The following ATF7IP variants were observed in gnomAD, a reference collection of about 807,000 sequenced individuals.
ATF7IP encodes activating transcription factor 7-interacting protein 1.
A neutral mutation model predicts 106.4 loss-of-function variants in ATF7IP; 23 were observed. The ratio of observed to expected loss-of-function variants is 0.22; its 90% CI spans 0.16 to 0.31. ATF7IP has a LOEUF of 0.31. Ranked by LOEUF, ATF7IP falls within the 10% of genes least tolerant of loss-of-function variation. The pLI is 1.00. For synonymous variants in ATF7IP, 542 were observed against 539.0 expected (o/e 1.01, Z -0.08); for missense variants, 1,334 against 1,524.3 (o/e 0.88, Z 2.08).
chr12:14,369,967 C>T lies in ATF7IP; in HGVS notation c.-8+4140C>T, dbSNP rs181014739. Among the ~76,000 whole-genome samples, 669 of 144,190 alleles carry T rather than the reference C, an allele frequency of 4.6e-3. 3 individuals carry two copies. Among genetic ancestry groups the T allele is most frequent in the East Asian group, 0.015 (75 of 4,914 alleles). 94.6% of individuals were successfully genotyped at this position (144,190 alleles called of 152,430 possible). A position where few individuals can be genotyped will look rare whatever the true frequency, so the allele number is the denominator to read the frequency against. ...TTTTTTTTTTTTTGAGATGGAGTTTCGCCCTTGTTGCCCAGGCTGGAGTGC... is the reference window on the plus strand; with the variant it reads ...TTTTTTTTTTTTTGAGATGGAGTTTTGCCCTTGTTGCCCAGGCTGGAGTGC... On this transcript the variant is annotated intron_variant, in intron 1 of 14. Transcript: ENST00000261168.
intron 1 of ATF7IP, among the ~76,000 whole-genome samples, chr12:14,398,569 A>T (rs1939994707): frequency 6.6e-6 from 1 of 151,422 alleles, no homozygotes; most frequent in Non-Finnish European, 1.5e-5. Flanking sequence ...GAAAAAAATT[A>T]TATTTTGGGT....
chr12:14,400,634 C>T (rs1156698156), intron 1 of ATF7IP, among the ~76,000 whole-genome samples: 1 of 151,902 alleles, frequency 6.6e-6, no homozygotes, highest in Non-Finnish European at 1.5e-5. Flanking sequence ...CAGTGCAGCA[C>T]TAGGCATCCT....
chr12:14,400,075 G>A (rs1348076518), intron 1 of ATF7IP, among the ~76,000 whole-genome samples: 1 of 152,170 alleles, frequency 6.6e-6, no homozygotes, highest in Non-Finnish European at 1.5e-5. Context: ...GAGAATGTCT[G>A]ATGAACTTAA....
At chr12:14,369,826 T>A (rs1325381846) in intron 1 of ATF7IP, among the ~76,000 whole-genome samples, 1 of 152,222 alleles carries the variant, frequency 6.6e-6, no homozygotes, top group Non-Finnish European at 1.5e-5. Flanking sequence ...ATTGCTTTGG[T>A]AGCAAACAAT....
chr12:14,494,081 C>G (rs1357705245), intron 13 of ATF7IP, among the ~76,000 whole-genome samples: 1 of 151,532 alleles, frequency 6.6e-6, no homozygotes, highest in African/African-American at 2.4e-5. Context: ...ACCCTCTAAA[C>G]AGTTCACACC....
intron 5 of ATF7IP, 88 bp from the exon 6 acceptor site, chr12:14,446,900 G>A (rs1403102805): frequency 3.4e-6 from 3 of 894,940 alleles, no homozygotes; most frequent in Non-Finnish European, 4.7e-6. Context: ...TTTTCTATAG[G>A]TTTCTTTTTA....
intron 1 of ATF7IP, among the ~76,000 whole-genome samples, chr12:14,375,478 G>A (rs2136400574): frequency 6.6e-6 from 1 of 151,984 alleles, no homozygotes; most frequent in South Asian, 2.1e-4. Flanking sequence ...TTTTAGGTTT[G>A]TATAATCCTC....
At chr12:14,495,287 C>G (rs926369955) in intron 13 of ATF7IP, among the ~76,000 whole-genome samples, 1 of 152,210 alleles carries the variant, frequency 6.6e-6, no homozygotes, top group Admixed American at 6.5e-5. Flanking sequence ...CAAGTTGACA[C>G]TCAGTATTAA....
intron 13 of ATF7IP, among the ~76,000 whole-genome samples, chr12:14,490,472 T>A (rs545779992): frequency 8.5e-5 from 13 of 152,264 alleles, no homozygotes; most frequent in Non-Finnish European, 1.3e-4. Context: ...TCTAGCCATT[T>A]CTCTTTCTAA....
intron 1 of ATF7IP, among the ~76,000 whole-genome samples, chr12:14,373,242 A>G (rs951991398): frequency 2.0e-5 from 3 of 152,204 alleles, no homozygotes; most frequent in African/African-American, 4.8e-5. Flanking sequence ...AGTGAATTCC[A>G]TTAGAGTAAA....
At chr12:14,389,644 T>C (rs1417916770) in intron 1 of ATF7IP, among the ~76,000 whole-genome samples, 1 of 152,260 alleles carries the variant, frequency 6.6e-6, no homozygotes, top group Non-Finnish European at 1.5e-5. Context: ...TTTTTGTTTT[T>C]GAGACGGAGT....
intron 13 of ATF7IP, among the ~76,000 whole-genome samples, chr12:14,486,670 A>G (rs1944627732): frequency 6.6e-6 from 1 of 152,222 alleles, no homozygotes; most frequent in Non-Finnish European, 1.5e-5. Flanking sequence ...CTAGAGCTCT[A>G]TACAAGTCGG....
At chr12:14,497,495 C>G (rs1945047203) in intron 14 of ATF7IP, among the ~76,000 whole-genome samples, 159 bp from the exon 15 acceptor site, 1 of 152,118 alleles carries the variant, frequency 6.6e-6, no homozygotes, top group Admixed American at 6.5e-5. Flanking sequence ...TACAAAACCC[C>G]AAATAGAACT....
chr12:14,402,569 C>T (rs1013031829), intron 1 of ATF7IP, among the ~76,000 whole-genome samples: 2 of 150,006 alleles, frequency 1.3e-5, no homozygotes, highest in Admixed American at 1.3e-4. Context: ...TCTAATATGT[C>T]ATGTAAGTGT....
chr12:14,466,669 G>A (rs535787729), intron 10 of ATF7IP, 79 bp downstream of exon 10: 198 of 1,148,078 alleles, frequency 1.7e-4, no homozygotes, highest in Non-Finnish European at 2.3e-4. Context: ...TTCTTTGATT[G>A]AATGAAAATT....
In ATF7IP at chr12:14,422,579, A is replaced by G. The variant is rs75974993; in HGVS notation, c.-7-1330A>G. Among the ~76,000 whole-genome samples, 667 of 152,248 alleles carry G rather than the reference A, an allele frequency of 4.4e-3. 4 individuals carry two copies. Among genetic ancestry groups the G allele is most frequent in the African/African-American group, 0.015 (641 of 41,536 alleles). ...ATTTTCTCCAGAATCTTCCAACCCT[A>G]GGTAGTCACTGATTTACTTTCTGTC... On this transcript the variant is annotated intron_variant, in intron 1 of 14. Transcript: ENST00000261168.
chr12:14,426,910 C>T (rs1941882957), intron 2 of ATF7IP, among the ~76,000 whole-genome samples: 1 of 150,970 alleles, frequency 6.6e-6, no homozygotes, highest in Non-Finnish European at 1.5e-5. Flanking sequence ...ACAGGCCAGG[C>T]CCTTCTTGGT....
chr12:14,368,578 G>A (rs895459046), intron 1 of ATF7IP, among the ~76,000 whole-genome samples: 4 of 151,972 alleles, frequency 2.6e-5, no homozygotes, highest in Non-Finnish European at 4.4e-5. Context: ...TACTTTCAAA[G>A]GACTTTTAAA....
Position 14,443,592 on chromosome 12 carries a change from G to C in ATF7IP, c.1930-3396G>C, listed in dbSNP as rs984038803. Among the ~76,000 whole-genome samples, 5 of 152,160 alleles carry C rather than the reference G, an allele frequency of 3.3e-5. No homozygotes were observed. The East Asian group carries it at 9.7e-4, about 29-fold the overall frequency. On this transcript the variant is annotated intron_variant, in intron 5 of 14. Transcript: ENST00000261168. ...GGTAAATACCTTGAATCTCTTAAAGGGTTTTCAGAAACCTGTTGTAAATAT... is the reference window on the plus strand; with the variant it reads ...GGTAAATACCTTGAATCTCTTAAAGCGTTTTCAGAAACCTGTTGTAAATAT...
Sources: gnomAD v4.1 joint callset for allele counts (sites outside exome capture counted in the v4.1 genomes callset) on GRCh38, gnomAD v4.1.1 for gene constraint, MANE v1.5 for transcripts, NCBI Gene and HGNC (gene_info 2026-07-23, HGNC 2026-07-21) for gene names.